Variants in NRXN1 observed in about 807,000 individuals in gnomAD.
The protein encoded by NRXN1 is neurexin-1.
Under a neutral mutation model 150.9 loss-of-function variants are expected in NRXN1, and 39 were observed. The observed-to-expected ratio is 0.26, with a 90% confidence interval of 0.20 to 0.34. The LOEUF (loss-of-function observed/expected upper bound fraction) is 0.34. Ranked by LOEUF, NRXN1 falls within the 10% of genes least tolerant of loss-of-function variation. NRXN1 has a pLI of 1.00. For missense variants in NRXN1, 1,815 were observed against 1,949.9 expected (o/e 0.93, Z 1.30); for synonymous variants, 924 against 757.0 (o/e 1.22, Z -3.62).
chr2:50,179,816 A>G (rs1377241), intron 18 of NRXN1, among the ~76,000 whole-genome samples: 88,417 of 151,790 alleles, frequency 0.58, 26,197 homozygotes, highest in African/African-American at 0.67. Flanking sequence ...GCTGCTTAGG[A>G]GTGCTTAACC....
At chr2:50,120,724 T>C (rs1703735509) in intron 18 of NRXN1, among the ~76,000 whole-genome samples, 1 of 152,230 alleles carries the variant, frequency 6.6e-6, no homozygotes, top group African/African-American at 2.4e-5. Flanking sequence ...TGGAATTTAC[T>C]ATAATACATA....
intron 21 of NRXN1, among the ~76,000 whole-genome samples, chr2:50,001,295 T>A (rs192313247): frequency 6.6e-5 from 10 of 152,282 alleles, no homozygotes; most frequent in African/African-American, 2.4e-4. Flanking sequence ...GACTGCTCAA[T>A]AAATAGTATT....
intron 19 of NRXN1, among the ~76,000 whole-genome samples, chr2:50,082,878 A>G (rs1276930531): frequency 6.6e-6 from 1 of 152,220 alleles, no homozygotes; most frequent in East Asian, 1.9e-4. Flanking sequence ...CATTCCCAAT[A>G]GTATCCAAAT....
At chr2:50,206,400 T>A (rs2062581130) in intron 18 of NRXN1, among the ~76,000 whole-genome samples, 1 of 152,056 alleles carries the variant, frequency 6.6e-6, no homozygotes, top group African/African-American at 2.4e-5. Context: ...CAAATGTATG[T>A]CAGAAGATAA....
chr2:50,829,999 G>GAAAAAAAACAAAAAAAA (rs1671172889), intron 5 of NRXN1, among the ~76,000 whole-genome samples: 1 of 58,206 alleles, frequency 1.7e-5, no homozygotes, highest in African/African-American at 1.1e-4. Flanking sequence ...CTGCCTGCTG[G>GAAAAAAAACAAAAAAAA]AAAAAAAAAA....
intron 8 of NRXN1, among the ~76,000 whole-genome samples, chr2:50,583,145 G>T (rs751353243): frequency 7.9e-5 from 12 of 151,820 alleles, no homozygotes; most frequent in South Asian, 2.1e-4. Context: ...CAAACTCCTA[G>T]GTTCAAGCAA....
intron 17 of NRXN1, among the ~76,000 whole-genome samples, chr2:50,316,199 G>A (rs2075591459): frequency 6.6e-6 from 1 of 152,012 alleles, no homozygotes; most frequent in South Asian, 2.1e-4. Context: ...GGGGGAAGAG[G>A]ATTTGGTGAA....
chr2:51,018,640 A>G (rs1290867086), intron 2 of NRXN1, among the ~76,000 whole-genome samples: 2 of 152,066 alleles, frequency 1.3e-5, no homozygotes, highest in Non-Finnish European at 2.9e-5. Flanking sequence ...CTAGATTTTC[A>G]GCAGAACCAT....
At chr2:50,597,004 C>G (rs888530742) in intron 8 of NRXN1, among the ~76,000 whole-genome samples, 2 of 151,874 alleles carry the variant, frequency 1.3e-5, no homozygotes, top group South Asian at 4.2e-4. Flanking sequence ...AGGCACACGC[C>G]ACCATCCAGT....
At position 50,084,262 on chromosome 2, in the gene NRXN1, C is replaced by T. The variant is rs539340568; in HGVS notation, c.3718+7061G>A. Among the ~76,000 whole-genome samples the T allele has an allele frequency of 1.1e-4, 17 of 152,290 alleles. No individual in the cohort carries two copies. In the South Asian group the frequency reaches 3.1e-3, roughly 28 times the overall value. ...GCGCGGTGGATGAGACTGGGTGCCG[C>T]GGAGCAGGGGGCCGCACAGGAGCCC... On this transcript the variant is annotated intron_variant, in intron 19 of 22. Transcript: ENST00000401669.
intron 2 of NRXN1, among the ~76,000 whole-genome samples, chr2:50,998,643 G>A (rs1293804169): frequency 2.6e-5 from 4 of 151,938 alleles, no homozygotes; most frequent in Non-Finnish European, 5.9e-5. Flanking sequence ...ATATTTAAAT[G>A]CTCCATTAAA....
intron 21 of NRXN1, among the ~76,000 whole-genome samples, chr2:50,036,099 C>CA (rs1428931123): frequency 1.3e-5 from 2 of 152,114 alleles, no homozygotes; most frequent in Non-Finnish European, 2.9e-5. Flanking sequence ...TGTCCCTACC[C>CA]AAAATCTCAT....
chr2:50,555,129 T>C (rs181127106), intron 8 of NRXN1, among the ~76,000 whole-genome samples: 95 of 152,280 alleles, frequency 6.2e-4, no homozygotes, highest in Non-Finnish European at 1.0e-3. Context: ...TTTTCCTTTT[T>C]CCTATTGATT....
rs200640344 is a variant in NRXN1 at position 49,945,391 on chromosome 2, CTTTTT to C, written c.4129-1605_4129-1601del. On this transcript the variant is annotated intron_variant, in intron 21 of 22. Transcript: ENST00000401669. ...ATTTGATAATTTGTGGGGGTTTTCT[CTTTTT>C]TTTTTTTTATTATACTTTTAGTTCC... Among the ~76,000 whole-genome samples, 12 of 140,712 alleles carry C rather than the reference CTTTTT, an allele frequency of 8.5e-5. No homozygotes were observed. The East Asian group carries it at 1.7e-3, about 20-fold the overall frequency. 92.3% of individuals were successfully genotyped at this position (140,712 alleles called of 152,430 possible).
intron 5 of NRXN1, among the ~76,000 whole-genome samples, chr2:50,831,775 G>C (rs1258712012): frequency 6.6e-6 from 1 of 152,202 alleles, no homozygotes; most frequent in African/African-American, 2.4e-5. Flanking sequence ...ACTGGTGGCA[G>C]ACTATTCATG....
rs1440918123 is a variant in NRXN1, at chr2:49,943,561, A to G, written c.4216+143T>C. The G allele has an allele frequency of 1.1e-5, 7 of 663,358 alleles. No individual in the cohort carries two copies. The East Asian group carries it at 1.9e-4, about 18-fold the overall frequency. The allele number at this position is 663,358 out of a possible 1,614,324, so 41.1% of individuals were successfully genotyped here. On this transcript the variant is annotated intron_variant, in intron 22 of 22. Transcript: ENST00000401669. ...CAATAAATGTGGAAAAATTTATGTAAAAAATAAGAGTCCTCATCTCACAAT... is the reference window on the plus strand; with the variant it reads ...CAATAAATGTGGAAAAATTTATGTAGAAAATAAGAGTCCTCATCTCACAAT...
At chr2:49,941,126 T>A (rs544862896) in intron 22 of NRXN1, among the ~76,000 whole-genome samples, 6 of 151,906 alleles carry the variant, frequency 3.9e-5, no homozygotes, top group Non-Finnish European at 8.8e-5. Context: ...AAAACAGGGT[T>A]CCTGCTTCAT....
rs140894643 is a variant in NRXN1 at position 50,492,520 on chromosome 2, A to C, written c.3070+3385T>G. 8.5e-5 allele frequency among the ~76,000 whole-genome samples: 13 copies of C among 152,292 alleles called. No homozygotes were observed. The East Asian group carries it at 2.5e-3, about 29-fold the overall frequency. ...TATAATGAAACAGAGCCACGGACAA[A>C]AGAATGCATCACTATAAAAGCCAAC... On this transcript the variant is annotated intron_variant, in intron 15 of 22. Transcript: ENST00000401669.
At chr2:50,729,305 C>T (rs1463144414) in intron 5 of NRXN1, among the ~76,000 whole-genome samples, 2 of 152,188 alleles carry the variant, frequency 1.3e-5, no homozygotes, top group African/African-American at 2.4e-5. Context: ...ATAAGGTATA[C>T]ACTTTACAAA....
Sources: gnomAD v4.1 joint callset for allele counts (sites outside exome capture counted in the v4.1 genomes callset) on GRCh38, gnomAD v4.1.1 for gene constraint, MANE v1.5 for transcripts, NCBI Gene and HGNC (gene_info 2026-07-23, HGNC 2026-07-21) for gene names.